Variants in ACSM3 observed in about 807,000 individuals in gnomAD.
The protein encoded by ACSM3 is acyl-coenzyme A synthetase ACSM3, mitochondrial.
ACSM3 carries 61 observed loss-of-function variants against 74.1 expected under a neutral mutation model. That is an observed-to-expected ratio of 0.82 (90% confidence interval 0.67 to 1.02). The LOEUF (loss-of-function observed/expected upper bound fraction) is 1.02, where lower values mean the gene tolerates loss of function less well. Among genes scored for constraint, ACSM3 ranks in the 50% least tolerant of loss-of-function variants. The pLI is 0.00. For synonymous variants in ACSM3, 213 were observed against 241.5 expected (o/e 0.88, Z 1.09); for missense variants, 660 against 697.0 (o/e 0.95, Z 0.60).
chr16:20,743,190 G>A (rs144831413), intron 1 of ACSM3, among the ~76,000 whole-genome samples: 2,574 of 151,952 alleles, frequency 0.017, 75 homozygotes, highest in African/African-American at 0.058. Context: ...CACCCGCCTC[G>A]GCCTCCCAAA....
At chr16:20,711,288 C>T (rs780529582) in intron 1 of ACSM3, among the ~76,000 whole-genome samples, 3 of 152,102 alleles carry the variant, frequency 2.0e-5, no homozygotes, top group Non-Finnish European at 2.9e-5. Flanking sequence ...TGTCAGACTC[C>T]GAAGCCAGTG....
chr16:20,702,025 T>C (rs2079714167), intron 1 of ACSM3, among the ~76,000 whole-genome samples: 1 of 152,226 alleles, frequency 6.6e-6, no homozygotes, highest in East Asian at 1.9e-4. Flanking sequence ...ATCTTTATAG[T>C]AGAATGATTT....
chr16:20,713,539 G>A (rs1028931913), intron 1 of ACSM3, among the ~76,000 whole-genome samples: 7 of 152,066 alleles, frequency 4.6e-5, no homozygotes, highest in Admixed American at 3.9e-4. Context: ...TGACAGAATG[G>A]AACCCTGTCT....
intron 1 of ACSM3, among the ~76,000 whole-genome samples, chr16:20,722,665 G>C (rs920012523): frequency 2.0e-5 from 3 of 152,150 alleles, no homozygotes; most frequent in African/African-American, 7.2e-5. Flanking sequence ...TACTATACAT[G>C]AATACGTGGG....
chr16:20,762,471 G>A (rs545859274), upstream of ACSM3, among the ~76,000 whole-genome samples: 14 of 152,138 alleles, frequency 9.2e-5, no homozygotes, highest in Admixed American at 8.5e-4. Context: ...TCTAACATGG[G>A]GGCTAAAAAT....
intron 2 of ACSM3, among the ~76,000 whole-genome samples, 196 bp downstream of exon 2, chr16:20,770,449 A>AT (rs1406013202): frequency 2.6e-5 from 4 of 152,188 alleles, no homozygotes; most frequent in Admixed American, 1.3e-4. Context: ...AGAACAAAGA[A>AT]TTATTTGACC....
At chr16:20,742,682 G>A (rs1482805434) in intron 1 of ACSM3, among the ~76,000 whole-genome samples, 1 of 150,860 alleles carries the variant, frequency 6.6e-6, no homozygotes, top group Non-Finnish European at 1.5e-5. Flanking sequence ...AGGCCACACG[G>A]AAGCTTCTTG....
chr16:20,680,139 T>C (rs757482559), intron 1 of ACSM3: 2 of 152,216 alleles, frequency 1.3e-5, no homozygotes, highest in Non-Finnish European at 1.5e-5. Context: ...CTAAGTAGTA[T>C]GTTAACCAAA....
At chr16:20,780,623 G>C (rs755200190) in intron 4 of ACSM3, 91 bp from the exon 5 acceptor site, 60 of 1,612,174 alleles carry the variant, frequency 3.7e-5, no homozygotes, top group Non-Finnish European at 4.8e-5. Context: ...GACATGAAGA[G>C]GTTCAAGTGG....
intron 1 of ACSM3, among the ~76,000 whole-genome samples, chr16:20,677,142 C>T (rs1185930762): frequency 6.6e-6 from 1 of 151,650 alleles, no homozygotes; most frequent in Non-Finnish European, 1.5e-5. Context: ...TCCCAAATTT[C>T]TAGCTTATGG....
At chr16:20,731,608 T>C in intron 1 of ACSM3, 1 of 312,966 alleles carries the variant, frequency 3.2e-6, no homozygotes, top group Non-Finnish European at 5.9e-6. Flanking sequence ...CAAGATAAAT[T>C]ATCTGTTGCA....
chr16:20,723,125 C>T (rs2079791628), intron 1 of ACSM3, among the ~76,000 whole-genome samples: 1 of 151,912 alleles, frequency 6.6e-6, no homozygotes, highest in African/African-American at 2.4e-5. Context: ...TGAGTAAGAA[C>T]ATGCGGTGTT....
At chr16:20,708,303 A>C (rs1429732248) in intron 1 of ACSM3, among the ~76,000 whole-genome samples, 2 of 151,966 alleles carry the variant, frequency 1.3e-5, no homozygotes, top group African/African-American at 2.4e-5. Flanking sequence ...CCTGTCTCAA[A>C]AACAACAACA....
In ACSM3 at chr16:20,792,294, G is replaced by A. The variant is rs746248155; in HGVS notation, c.1513G>A (p.Glu505Lys). The A allele has an allele frequency of 4.5e-5, 73 of 1,614,006 alleles. No homozygotes were observed. Among genetic ancestry groups the A allele is most frequent in the Non-Finnish European group, 5.5e-5 (65 of 1,179,976 alleles). ...CCTGAATGAACACCCTTCAGTTGCAGAGTCAGCTGTTGTCAGCAGCCCAGA... is the reference window on the plus strand; with the variant it reads ...CCTGAATGAACACCCTTCAGTTGCAAAGTCAGCTGTTGTCAGCAGCCCAGA... ...NALNEHPSVA[E>K]SAVVSSPDPI... is the part of the protein sequence containing the mutation. The change falls in exon 12 of 14, where the codon GAG (glutamate) becomes AAG (lysine). Residue 505 changes from glutamate to lysine, a missense_variant. By Grantham distance (56) the Glu-to-Lys change is moderately conservative. Coordinates refer to ENST00000289416, the MANE Select transcript of ACSM3 (RefSeq NM_005622.4).
chr16:20,756,071 G>A (rs2080029261), intron 3 of ACSM3, among the ~76,000 whole-genome samples: 1 of 152,058 alleles, frequency 6.6e-6, no homozygotes, highest in South Asian at 2.1e-4. Flanking sequence ...CTTTGCTATT[G>A]TGAATAGTGC....
At chr16:20,743,893 A>T (rs1370147457) in intron 1 of ACSM3, 1 of 152,208 alleles carries the variant, frequency 6.6e-6, no homozygotes, top group Non-Finnish European at 1.5e-5. Flanking sequence ...ATAACAAGTT[A>T]AAATATATAT....
intron 1 of ACSM3, among the ~76,000 whole-genome samples, chr16:20,706,928 CT>C (rs1016091082): frequency 5.9e-5 from 9 of 152,236 alleles, no homozygotes; most frequent in African/African-American, 1.7e-4. Context: ...AGAAAGGGCC[CT>C]TAATCTTGCC....
At chr16:20,681,944 C>A (rs905889229) in intron 1 of ACSM3, 2 of 248,086 alleles carry the variant, frequency 8.1e-6, no homozygotes, top group African/African-American at 4.5e-5. Flanking sequence ...GACAGATAAA[C>A]TCAAGTTGTA....
intron 1 of ACSM3, chr16:20,749,410 C>G (rs560738830): frequency 6.6e-6 from 1 of 152,296 alleles, no homozygotes; most frequent in South Asian, 2.1e-4. Context: ...ATTTCCCAGC[C>G]TCACCATCCT....
Sources: gnomAD v4.1 joint callset for allele counts (sites outside exome capture counted in the v4.1 genomes callset) on GRCh38, gnomAD v4.1.1 for gene constraint, MANE v1.5 for transcripts, NCBI Gene and HGNC (gene_info 2026-07-23, HGNC 2026-07-21) for gene names.